Variants in LRRC59 observed in about 807,000 individuals in gnomAD.
The protein encoded by LRRC59 is leucine rich repeat containing 59, also known as leucine-rich repeat-containing protein 59.
In LRRC59, 18 loss-of-function variants were observed where a neutral mutation model predicts 33.5. The ratio of observed to expected loss-of-function variants is 0.54; its 90% CI spans 0.37 to 0.80. The LOEUF (loss-of-function observed/expected upper bound fraction) is 0.80, where lower values mean the gene tolerates loss of function less well. LRRC59 is among the 30% of genes least tolerant of loss of function. LRRC59 has a pLI of 0.00. For synonymous variants in LRRC59, 138 were observed against 160.0 expected, an observed-to-expected ratio of 0.86 and a Z score of 1.04; for missense variants, 330 against 391.9, an observed-to-expected ratio of 0.84 and a Z score of 1.33.
chr17:50,383,939 T>C (rs1319738661), intron 6 of LRRC59, among the ~76,000 whole-genome samples: 1 of 150,840 alleles, frequency 6.6e-6, no homozygotes, highest in Non-Finnish European at 1.5e-5. Context: ...AACAAGGAAA[T>C]TAAAAACCAG....
intron 2 of LRRC59, among the ~76,000 whole-genome samples, chr17:50,394,355 A>G (rs1263569876): frequency 6.6e-6 from 1 of 152,222 alleles, no homozygotes; most frequent in African/African-American, 2.4e-5. Flanking sequence ...GTGGAGTGGA[A>G]GGAAAACTAG....
chr17:50,397,168 C>A (rs1914295741), intron 1 of LRRC59, 45 bp downstream of exon 1: 2 of 1,437,404 alleles, frequency 1.4e-6, no homozygotes, highest in East Asian at 2.6e-5. Context: ...TAGGGGCCAG[C>A]GCCCGGCGAA....
In LRRC59 at chr17:50,392,434, G is replaced by C. The variant is rs745975965; in HGVS notation, c.393C>G (p.Cys131Trp). Residue 131 changes from cysteine to tryptophan, a missense_variant, in exon 4 of 7, where the codon TGC becomes TGG. Transcript: ENST00000225972. ...ACTGCTTACACTGCTTCTCATCCAA[G>C]CAGTCACCTGCCACCTTGGCCAGGA... ...DPVLAKVAGDCLDEKQCKQCA... is the reference protein window; with the variant it reads ...DPVLAKVAGDWLDEKQCKQCA... The C allele has an allele frequency of 6.2e-7, 1 of 1,614,150 alleles. No homozygotes were observed. Among genetic ancestry groups the C allele is most frequent in the Non-Finnish European group, 8.5e-7 (1 of 1,180,034 alleles).
intron 4 of LRRC59, among the ~76,000 whole-genome samples, chr17:50,389,181 C>T (rs1354315218): frequency 6.6e-6 from 1 of 152,180 alleles, no homozygotes; most frequent in African/African-American, 2.4e-5. Flanking sequence ...CCGAGAGAAG[C>T]CTACACACAG....
In LRRC59 at chr17:50,392,792, C is replaced by A; in HGVS notation, c.271G>T (p.Asp91Tyr). Residue 91 changes from aspartate to tyrosine, a missense_variant, in exon 3 of 7, where the codon GAT becomes TAT. Coordinates refer to ENST00000225972, the MANE Select transcript of LRRC59 (RefSeq NM_018509.4). ...FGRLVNLQHL[D>Y]LLNNKLVTLP... is the part of the protein sequence containing the mutation. ...GTGACCAGCTTGTTGTTGAGGAGAT[C>A]CAGGTGCTGGAGGTTGACCAGACGG... 1 of 1,614,138 alleles carries A rather than the reference C, an allele frequency of 6.2e-7. No individual in the cohort carries two copies.
At chr17:50,387,824 C>T (rs1218077139) in intron 5 of LRRC59, among the ~76,000 whole-genome samples, 1 of 152,168 alleles carries the variant, frequency 6.6e-6, no homozygotes, top group African/African-American at 2.4e-5. Flanking sequence ...TGCCTATTAA[C>T]CCTCCAAGCA....
At chr17:50,389,204 C>T (rs918408756) in intron 4 of LRRC59, among the ~76,000 whole-genome samples, 8 of 152,168 alleles carry the variant, frequency 5.3e-5, no homozygotes, top group African/African-American at 1.9e-4. Flanking sequence ...CACTTGTACT[C>T]GGCAATCTGA....
intron 4 of LRRC59, among the ~76,000 whole-genome samples, chr17:50,389,140 C>T (rs1204773418): frequency 1.3e-5 from 2 of 152,146 alleles, no homozygotes; most frequent in African/African-American, 4.8e-5. Flanking sequence ...GAGCTTGTCG[C>T]ACACACTTTC....
intron 1 of LRRC59, 67 bp from the exon 2 acceptor site, chr17:50,395,055 A>G: frequency 9.2e-7 from 1 of 1,085,458 alleles, no homozygotes. Context: ...ACATATGTTA[A>G]TGAAGCATTT....
At chr17:50,391,600 G>A (rs1914145477) in intron 4 of LRRC59, among the ~76,000 whole-genome samples, 1 of 152,160 alleles carries the variant, frequency 6.6e-6, no homozygotes. Flanking sequence ...GCACCTTCCA[G>A]GCTACTGACC....
At chr17:50,385,668 G>A (rs1486764623) in intron 5 of LRRC59, among the ~76,000 whole-genome samples, 1 of 152,172 alleles carries the variant, frequency 6.6e-6, no homozygotes, top group Admixed American at 6.5e-5. Flanking sequence ...AAAAAACCAT[G>A]GCAGTTTTCT....
chr17:50,386,933 A>G (rs900027959), intron 5 of LRRC59, among the ~76,000 whole-genome samples: 1 of 152,244 alleles, frequency 6.6e-6, no homozygotes, highest in Non-Finnish European at 1.5e-5. Context: ...AGAAGACAAT[A>G]AACAGGTGAA....
chr17:50,388,996 T>A (rs1279880526), intron 4 of LRRC59, among the ~76,000 whole-genome samples: 1 of 152,144 alleles, frequency 6.6e-6, no homozygotes, highest in East Asian at 1.9e-4. Flanking sequence ...AGGCATTCAA[T>A]ACATACATGA....
intron 5 of LRRC59, among the ~76,000 whole-genome samples, chr17:50,387,085 T>A (rs941217662): frequency 2.0e-5 from 3 of 151,710 alleles, no homozygotes; most frequent in African/African-American, 7.3e-5. Flanking sequence ...GCCACCGCAC[T>A]CCAGCCTGGG....
At chr17:50,394,392 G>A (rs990373789) in intron 2 of LRRC59, among the ~76,000 whole-genome samples, 3 of 152,136 alleles carry the variant, frequency 2.0e-5, no homozygotes, top group African/African-American at 7.2e-5. Context: ...AAAATAAAAA[G>A]GATTTGATCA....
Position 50,396,880 on chromosome 17 carries a change from A to G in LRRC59, c.105+333T>C, listed in dbSNP as rs140932921. 3.9e-4 allele frequency: 148 copies of G among 379,870 alleles called. 1 individual carries two copies. The highest frequency in any genetic ancestry group is 2.6e-3 in the East Asian group (69 of 26,508). The allele number at this position is 379,870 out of a possible 1,614,324, so 23.5% of individuals were successfully genotyped here. Reference sequence around the variant, plus strand: ...TCATTCATTCTCGAATACATCCAGTAACTGCTCCGTGTGCTCCTACTCAGA... The same window carrying G: ...TCATTCATTCTCGAATACATCCAGTGACTGCTCCGTGTGCTCCTACTCAGA... On this transcript the variant is annotated intron_variant, in intron 1 of 6. Coordinates refer to ENST00000225972, the MANE Select transcript of LRRC59 (RefSeq NM_018509.4).
At chr17:50,393,060 C>A (rs1051778902) in intron 2 of LRRC59, among the ~76,000 whole-genome samples, 163 bp from the exon 3 acceptor site, 2 of 152,154 alleles carry the variant, frequency 1.3e-5, no homozygotes, top group Non-Finnish European at 2.9e-5. Flanking sequence ...CAAGACAACT[C>A]TTCTTCTTCC....
At chr17:50,391,191 A>G (rs993207143) in intron 4 of LRRC59, among the ~76,000 whole-genome samples, 1 of 152,232 alleles carries the variant, frequency 6.6e-6, no homozygotes, top group Non-Finnish European at 1.5e-5. Flanking sequence ...TCACTCCTAC[A>G]GCACCTAGTT....
At chr17:50,388,606 A>AT (rs1327838944) in intron 4 of LRRC59, among the ~76,000 whole-genome samples, 1 of 152,214 alleles carries the variant, frequency 6.6e-6, no homozygotes, top group Non-Finnish European at 1.5e-5. Flanking sequence ...GTATCCTAAA[A>AT]TTACTGTGCC....
Sources: allele counts gnomAD v4.1 joint callset (sites outside exome capture counted in the v4.1 genomes callset), GRCh38; gene constraint gnomAD v4.1.1; transcripts MANE v1.5; gene names NCBI Gene and HGNC (gene_info 2026-07-23, HGNC 2026-07-21).